NDUFB6: variants seen among roughly 807,000 people sequenced by gnomAD.
NDUFB6 encodes the protein NADH dehydrogenase [ubiquinone] 1 beta subcomplex subunit 6.
Under a neutral mutation model 17.5 loss-of-function variants are expected in NDUFB6, and 23 were observed. The ratio of observed to expected loss-of-function variants is 1.31; its 90% confidence interval spans 0.94 to 1.86. The LOEUF (loss-of-function observed/expected upper bound fraction) is 1.86, where lower values mean the gene tolerates loss of function less well. Among genes scored for constraint, NDUFB6 ranks in the 40% most tolerant of loss-of-function variants. The probability of loss-of-function intolerance (pLI) is 0.00; values close to 1 mark genes in which losing one functional copy is unlikely to be tolerated. For synonymous variants in NDUFB6, 60 were observed against 53.5 expected (o/e 1.12, Z -0.53); for missense variants, 167 against 153.8 (o/e 1.09, Z -0.46).
At chr9:32,559,487 GAAA>G (rs1322442932) in intron 2 of NDUFB6, among the ~76,000 whole-genome samples, 1 of 152,156 alleles carries the variant, frequency 6.6e-6, no homozygotes, top group African/African-American at 2.4e-5. Flanking sequence ...AATTCTTAGA[GAAA>G]AAGCCAGTCT....
At position 32,573,086 on chromosome 9, in the gene NDUFB6, G is replaced by T; in HGVS notation, c.-26C>A. The stretch of plus-strand genomic sequence containing the variant: ...GTCGCCGCTGGTACCAACGCAAAAG[G>T]ACACGGCGCACCCTCGAACTACGGA... On this transcript the variant is annotated 5_prime_UTR_variant, in exon 1 of 4. Coordinates refer to ENST00000379847, the MANE Select transcript of NDUFB6 (RefSeq NM_002493.5). 6.6e-7 allele frequency: 1 copy of T among 1,516,358 alleles called. No individual in the cohort carries two copies. Among genetic ancestry groups the T allele is most frequent in the Non-Finnish European group, 8.9e-7 (1 of 1,129,090 alleles). 93.9% of individuals were successfully genotyped at this position (1,516,358 alleles called of 1,614,324 possible).
intron 2 of NDUFB6, chr9:32,566,224 G>GT (rs1821784878): frequency 4.6e-6 from 4 of 874,544 alleles, no homozygotes; most frequent in African/African-American, 1.6e-5. Context: ...GTCATAGCTG[G>GT]TTTTGTGGGT....
intron 2 of NDUFB6, among the ~76,000 whole-genome samples, chr9:32,562,787 A>G (rs1437647674): frequency 2.0e-5 from 3 of 152,216 alleles, no homozygotes; most frequent in Non-Finnish European, 4.4e-5. Flanking sequence ...AATTGTCTCA[A>G]TAATTGTTTG....
intron 2 of NDUFB6, among the ~76,000 whole-genome samples, chr9:32,564,007 C>T (rs915056012): frequency 6.6e-6 from 1 of 152,182 alleles, no homozygotes; most frequent in African/African-American, 2.4e-5. Context: ...GCTCTGAGCT[C>T]TGGGTCCTTT....
At position 32,553,066 on chromosome 9, in the gene NDUFB6, TAGAG is replaced by T. The variant is rs1821344726; in HGVS notation, c.*806_*809del. On this transcript the variant is annotated 3_prime_UTR_variant, in exon 4 of 4. Coordinates refer to ENST00000379847, the MANE Select transcript of NDUFB6 (RefSeq NM_002493.5). The stretch of plus-strand genomic sequence containing the variant: ...AGCACTAGTATGCAAATTTTTCACT[TAGAG>T]ATTTTAGTATTTTACATTCTCATGA... The T allele has an allele frequency of 7.7e-6, 4 of 520,886 alleles. No homozygotes were observed. Among genetic ancestry groups the T allele is most frequent in the Middle Eastern group, 5.0e-4 (1 of 1,994 alleles). 32.3% of individuals were successfully genotyped at this position (520,886 alleles called of 1,614,324 possible).
intron 3 of NDUFB6, among the ~76,000 whole-genome samples, chr9:32,558,116 C>CTTTTTTTT (rs1563992291): frequency 1.3e-4 from 11 of 86,558 alleles, no homozygotes; most frequent in South Asian, 4.2e-4. Context: ...TCATAGTATA[C>CTTTTTTTT]ATTTTTTTTT....
chr9:32,561,927 A>G (rs974315745), intron 2 of NDUFB6, among the ~76,000 whole-genome samples: 1 of 152,068 alleles, frequency 6.6e-6, no homozygotes, highest in African/African-American at 2.4e-5. Flanking sequence ...TTCACCATCC[A>G]TTTCAATGTT....
intron 2 of NDUFB6, among the ~76,000 whole-genome samples, chr9:32,570,446 TACC>T (rs1483567992): frequency 7.9e-5 from 12 of 152,128 alleles, no homozygotes; most frequent in Admixed American, 7.2e-4. Flanking sequence ...GCCTTTAAAA[TACC>T]ACAACTGGCT....
At chr9:32,565,304 GAAAA>G (rs1317637527) in intron 2 of NDUFB6, 1 of 148,584 alleles carries the variant, frequency 6.7e-6, no homozygotes, top group Non-Finnish European at 1.5e-5. Flanking sequence ...AAAAAAAAAA[GAAAA>G]AAATTCAGCA....
At chr9:32,569,752 G>A (rs1449887811) in intron 2 of NDUFB6, among the ~76,000 whole-genome samples, 1 of 152,048 alleles carries the variant, frequency 6.6e-6, no homozygotes, top group Non-Finnish European at 1.5e-5. Context: ...CTGGCCTCAA[G>A]CAATCTTCCT....
intron 2 of NDUFB6, chr9:32,566,247 G>C: frequency 9.9e-7 from 1 of 1,007,366 alleles, no homozygotes; most frequent in Non-Finnish European, 1.6e-6. Context: ...TTTTCTTATG[G>C]CAGACAACAC....
At position 32,553,894 on chromosome 9, in the gene NDUFB6, A is replaced by G. The variant is rs1563989918; in HGVS notation, c.369T>C (p.Phe123=). 6.9e-6 allele frequency: 11 copies of G among 1,595,634 alleles called. No individual in the cohort carries two copies. Among genetic ancestry groups the G allele is most frequent in the Non-Finnish European group, 9.4e-6 (11 of 1,164,144 alleles). ...ATAATCTTTAATGATGTTGATCAGGAAATTCTTTCATTGGTGGAATTACTT... is the reference window on the plus strand; with the variant it reads ...ATAATCTTTAATGATGTTGATCAGGGAATTCTTTCATTGGTGGAATTACTT... ...TGEVIPPMKE[F]PDQHH The change falls in exon 4 of 4, where the codon TTT becomes TTC. Residue 123 remains phenylalanine (F), a synonymous_variant. Transcript: ENST00000379847.
intron 2 of NDUFB6, chr9:32,568,131 T>A (rs1266205559): frequency 6.0e-6 from 1 of 167,446 alleles, no homozygotes; most frequent in Admixed American, 6.5e-5. Flanking sequence ...GAATTTACTA[T>A]CCTATATGCC....
chr9:32,572,419 G>A (rs571113809), intron 1 of NDUFB6, among the ~76,000 whole-genome samples: 1 of 152,262 alleles, frequency 6.6e-6, no homozygotes, highest in East Asian at 1.9e-4. Context: ...TCTTTTACGG[G>A]GATCACATGG....
At chr9:32,565,832 C>T (rs151274396) in intron 2 of NDUFB6, among the ~76,000 whole-genome samples, 348 of 152,174 alleles carry the variant, frequency 2.3e-3, no homozygotes, top group African/African-American at 8.0e-3. Flanking sequence ...ATTAGCCAGG[C>T]ATGGTGGCAC....
chr9:32,556,581 A>C (rs556536437), intron 3 of NDUFB6, among the ~76,000 whole-genome samples: 2 of 152,354 alleles, frequency 1.3e-5, no homozygotes, highest in South Asian at 2.1e-4. Flanking sequence ...CATGGCACAG[A>C]AACAAGAAAG....
chr9:32,560,425 A>T (rs925770892), intron 2 of NDUFB6, among the ~76,000 whole-genome samples: 3 of 152,236 alleles, frequency 2.0e-5, no homozygotes, highest in African/African-American at 7.2e-5. Context: ...AAATTTAGAT[A>T]TGATAAAGTA....
At chr9:32,554,358 A>C (rs1263613155) in intron 3 of NDUFB6, among the ~76,000 whole-genome samples, 1 of 152,230 alleles carries the variant, frequency 6.6e-6, no homozygotes, top group African/African-American at 2.4e-5. Flanking sequence ...ATTGGCTTAC[A>C]TACTGAATAC....
chr9:32,571,200 A>C, intron 1 of NDUFB6, 148 bp from the exon 2 acceptor site: 10 of 590,232 alleles, frequency 1.7e-5, no homozygotes, highest in Admixed American at 3.7e-5. Context: ...AGGTAACCTC[A>C]TCTACTCAAA....
Sources: allele counts gnomAD v4.1 joint callset (sites outside exome capture counted in the v4.1 genomes callset), GRCh38; gene constraint gnomAD v4.1.1; transcripts MANE v1.5; gene names NCBI Gene and HGNC (gene_info 2026-07-23, HGNC 2026-07-21).